Variants in CCDC141 observed in about 807,000 individuals in gnomAD.
CCDC141 encodes the protein coiled-coil domain-containing protein 141.
CCDC141 carries 168 observed loss-of-function variants against 181.0 expected under a neutral mutation model. The ratio of observed to expected loss-of-function variants is 0.93; its 90% confidence interval spans 0.82 to 1.05. The LOEUF (loss-of-function observed/expected upper bound fraction) is 1.05, where lower values mean the gene tolerates loss of function less well. Among genes scored for constraint, CCDC141 ranks in the 50% least tolerant of loss-of-function variants. The pLI, the probability that CCDC141 is intolerant of heterozygous loss-of-function variation, is 0.00. For missense variants in CCDC141, 1,902 were observed against 1,788.5 expected (o/e 1.06, Z -1.14); for synonymous variants, 666 against 642.3 (o/e 1.04, Z -0.56).
At chr2:178,924,281 G>A (rs1385699390) in intron 6 of CCDC141, among the ~76,000 whole-genome samples, 2 of 152,208 alleles carry the variant, frequency 1.3e-5, no homozygotes, top group Admixed American at 6.5e-5. Context: ...TTGAGTTCAT[G>A]TATAGTTCCC....
intron 6 of CCDC141, among the ~76,000 whole-genome samples, chr2:178,935,866 TC>T (rs1309279057): frequency 2.6e-5 from 4 of 152,140 alleles, no homozygotes; most frequent in Non-Finnish European, 5.9e-5. Context: ...AGCTTTTTTT[TC>T]ATGTTTGTGG....
chr2:179,026,929 G>C (rs1210249253), intron 2 of CCDC141, among the ~76,000 whole-genome samples: 1 of 152,186 alleles, frequency 6.6e-6, no homozygotes, highest in Non-Finnish European at 1.5e-5. Context: ...CTTTGTTTTG[G>C]CCAATTTCTC....
chr2:178,841,928 C>T (rs1369529233), intron 22 of CCDC141, among the ~76,000 whole-genome samples: 1 of 152,182 alleles, frequency 6.6e-6, no homozygotes, highest in African/African-American at 2.4e-5. Context: ...CTACAGCACC[C>T]AGCCAGAAAC....
chr2:178,980,755 T>C lies in CCDC141; in HGVS notation c.226-2080A>G, dbSNP rs73973190. Among the ~76,000 whole-genome samples, 635 of 152,328 alleles carry C rather than the reference T, an allele frequency of 4.2e-3. 7 individuals carry two copies. The highest frequency in any genetic ancestry group is 0.015 in the African/African-American group (623 of 41,582). On this transcript the variant is annotated intron_variant, in intron 2 of 23. Transcript: ENST00000443758. ...TGGAGTAACAATGTGAAGTGATATG[T>C]CAATTAGCTCAATTAATTTAACATG...
chr2:179,010,959 C>T (rs1455370501), intron 2 of CCDC141, among the ~76,000 whole-genome samples: 1 of 151,996 alleles, frequency 6.6e-6, no homozygotes, highest in African/African-American at 2.4e-5. Context: ...GAGTTCAAGA[C>T]CAGCCTGGCC....
chr2:178,832,148 G>A lies in CCDC141; in HGVS notation c.*2025C>T, dbSNP rs2154365272. 8.5e-5 allele frequency: 13 copies of A among 152,194 alleles called. 4 individuals are homozygous for A. The South Asian group carries it at 2.7e-3, about 32-fold the overall frequency. 9.4% of individuals were successfully genotyped at this position (152,194 alleles called of 1,614,324 possible). ...ACCTGCCTTCTTTGTTCATGAATAG[G>A]TTTTTACTCTTTAGCTTCAACGTGG... On this transcript the variant is annotated 3_prime_UTR_variant, in exon 24 of 24. Coordinates refer to ENST00000443758, the MANE Select transcript of CCDC141 (RefSeq NM_173648.4).
chr2:178,885,531 C>T (rs539099938), intron 10 of CCDC141, among the ~76,000 whole-genome samples: 31 of 152,168 alleles, frequency 2.0e-4, no homozygotes, highest in African/African-American at 6.5e-4. Flanking sequence ...AAAAGATGAC[C>T]TATCAATAGT....
At chr2:178,927,926 C>T (rs1462054595) in intron 6 of CCDC141, among the ~76,000 whole-genome samples, 1 of 152,068 alleles carries the variant, frequency 6.6e-6, no homozygotes, top group Non-Finnish European at 1.5e-5. Flanking sequence ...TAGTTAAAGC[C>T]TGGCTCCATA....
chr2:178,826,766 C>G (rs1684131308), downstream of CCDC141, among the ~76,000 whole-genome samples: 1 of 151,910 alleles, frequency 6.6e-6, no homozygotes, highest in Admixed American at 6.6e-5. Flanking sequence ...TTTGGTTATC[C>G]TGGCTAGAAG....
intron 2 of CCDC141, among the ~76,000 whole-genome samples, chr2:179,040,879 C>G (rs577017638): frequency 6.6e-6 from 1 of 152,296 alleles, no homozygotes; most frequent in South Asian, 2.1e-4. Context: ...GAATGATTTA[C>G]ATTCCTTTGG....
intron 16 of CCDC141, among the ~76,000 whole-genome samples, chr2:178,866,627 G>A (rs1685865257): frequency 6.6e-6 from 1 of 152,250 alleles, no homozygotes; most frequent in South Asian, 2.1e-4. Context: ...TATACCTATT[G>A]TTAGAGTAAA....
chr2:178,905,468 G>A lies in CCDC141; in HGVS notation c.1126C>T (p.Leu376Phe). Residue 376 changes from leucine (L) to phenylalanine (F), a missense_variant, in exon 8 of 24, where the codon CTT (leucine) becomes TTT (phenylalanine). Leu to Phe is a conservative substitution (Grantham distance 22). Transcript: ENST00000443758. ...AAACCCTCTGATTTAAGGAGCTTAA[G>A]GTAAGCTTCAACTCTTCCAAGTACA... is the stretch of plus-strand genomic sequence containing the variant. ...FDVLGRVEAY[L>F]KLLKSEGLSL... The A allele has an allele frequency of 6.4e-7, 1 of 1,550,696 alleles. No homozygotes were observed. The highest frequency in any genetic ancestry group is 8.7e-7 in the Non-Finnish European group (1 of 1,146,968).
chr2:179,009,217 T>C (rs2042195373), intron 2 of CCDC141, among the ~76,000 whole-genome samples: 1 of 152,186 alleles, frequency 6.6e-6, no homozygotes, highest in Non-Finnish European at 1.5e-5. Context: ...TGTAACTATA[T>C]TTTATATGAG....
chr2:179,047,406 A>G lies in CCDC141; in HGVS notation c.103T>C (p.Cys35Arg), dbSNP rs2043533901. ...AGTTGAAGTTGTACCCATTTGCCACACTAAAAATAAAAATTAAATAAAATG... is the reference window on the plus strand; with the variant it reads ...AGTTGAAGTTGTACCCATTTGCCACGCTAAAAATAAAAATTAAATAAAATG... ...DSKIVIAVIK[C>R]GKWVQLQLAE... Residue 35 changes from cysteine (C) to arginine (R), a missense_variant and splice_region_variant, in exon 2 of 24, where the codon TGT (cysteine) becomes CGT (arginine). Physicochemically the swap from Cys to Arg is radical, Grantham distance 180. Transcript: ENST00000443758. 1 of 1,500,082 alleles carries G rather than the reference A, an allele frequency of 6.7e-7. No individual in the cohort carries two copies. The highest frequency in any genetic ancestry group is 8.9e-7 in the Non-Finnish European group (1 of 1,129,072). The allele number at this position is 1,500,082 out of a possible 1,614,324, so 92.9% of individuals were successfully genotyped here.
intron 17 of CCDC141, among the ~76,000 whole-genome samples, chr2:178,860,495 T>A (rs1348609816): frequency 7.0e-6 from 1 of 142,590 alleles, no homozygotes; most frequent in Non-Finnish European, 1.5e-5. Flanking sequence ...ATTGCACCAT[T>A]GCACTCCAGC....
intron 8 of CCDC141, among the ~76,000 whole-genome samples, chr2:178,904,775 T>C (rs1009925099): frequency 6.6e-6 from 1 of 152,168 alleles, no homozygotes; most frequent in African/African-American, 2.4e-5. Flanking sequence ...CATTGATGCA[T>C]TCACCAAATG....
At chr2:178,919,860 G>C (rs139081930) in intron 6 of CCDC141, among the ~76,000 whole-genome samples, 2 of 152,202 alleles carry the variant, frequency 1.3e-5, no homozygotes, top group East Asian at 3.9e-4. Context: ...GTTATTGTTC[G>C]GTATTTTCTC....
chr2:178,978,355 T>G lies in CCDC141; in HGVS notation c.417+129A>C. The G allele has an allele frequency of 4.0e-6, 2 of 498,590 alleles. 1 individual carries two copies. The highest frequency in any genetic ancestry group is 6.6e-6 in the Non-Finnish European group (2 of 301,524). 30.9% of individuals were successfully genotyped at this position (498,590 alleles called of 1,614,324 possible). A position where few individuals can be genotyped will look rare whatever the true frequency, so the allele number is the denominator to read the frequency against. On this transcript the variant is annotated intron_variant, in intron 3 of 23. Transcript: ENST00000443758. ...AATCAAAAATTAAATATATTGTGTA[T>G]GTATGTTTTGGTTATTCTGCCATTT...
intron 2 of CCDC141, among the ~76,000 whole-genome samples, chr2:179,019,006 CA>C (rs2042622617): frequency 6.6e-6 from 1 of 151,972 alleles, no homozygotes; most frequent in South Asian, 2.1e-4. Flanking sequence ...TATAATTTCC[CA>C]AAAGCCAGAC....
Sources: gnomAD v4.1 joint callset for allele counts (sites outside exome capture counted in the v4.1 genomes callset) on GRCh38, gnomAD v4.1.1 for gene constraint, MANE v1.5 for transcripts, NCBI Gene and HGNC (gene_info 2026-07-23, HGNC 2026-07-21) for gene names.